ATM: variants seen among roughly 807,000 people sequenced by gnomAD.
The protein encoded by ATM is serine-protein kinase ATM.
ATM carries 308 observed loss-of-function variants against 387.0 expected under a neutral mutation model. The observed-to-expected ratio is 0.80, with a 90% CI of 0.73 to 0.87. The LOEUF is 0.87. Ranked by LOEUF, ATM falls within the 40% of genes least tolerant of loss-of-function variation. ATM has a pLI of 0.00. For synonymous variants in ATM, 1,156 were observed against 1,187.3 expected, an observed-to-expected ratio of 0.97 and a Z score of 0.54; for missense variants, 3,312 against 3,560.9, an observed-to-expected ratio of 0.93 and a Z score of 1.78.
In ATM at chr11:108,248,957, T is replaced by G. The variant is rs764821887; in HGVS notation, c.1090T>G (p.Leu364Val). ...GGTTTTTAATGAAGATACCAGATCC[T>G]TGGAGATTTCTCAATCTTACACTAC... ...HQVFNEDTRS[L>V]EISQSYTTTQ... Residue 364 changes from leucine (L) to valine (V), a missense_variant, in exon 9 of 63, where the codon TTG becomes GTG. Coordinates refer to ENST00000675843, the MANE Select transcript of ATM (RefSeq NM_000051.4). 1 of 1,611,450 alleles carries G rather than the reference T, an allele frequency of 6.2e-7. No individual in the cohort carries two copies. Among genetic ancestry groups the G allele is most frequent in the East Asian group, 2.2e-5 (1 of 44,828 alleles).
intron 20 of ATM, 125 bp from the exon 21 acceptor site, chr11:108,272,407 A>G (rs1352325799): frequency 1.2e-6 from 1 of 823,348 alleles, no homozygotes; most frequent in African/African-American, 1.7e-5. Flanking sequence ...CATATTCCAC[A>G]TAATGACAAA....
At chr11:108,238,420 G>A (rs2079405449) in intron 5 of ATM, among the ~76,000 whole-genome samples, 1 of 152,006 alleles carries the variant, frequency 6.6e-6, no homozygotes, top group Non-Finnish European at 1.5e-5. Flanking sequence ...CCAAAGTGTT[G>A]GGATTATAGG....
intron 49 of ATM, 26 bp downstream of exon 49, chr11:108,329,264 T>C (rs2086007986): frequency 2.5e-6 from 4 of 1,574,612 alleles, no homozygotes; most frequent in East Asian, 2.3e-5. Context: ...CAAGTGACAA[T>C]TTTATGTTCA....
At chr11:108,277,688 G>C (rs1344701262) in intron 22 of ATM, among the ~76,000 whole-genome samples, 1 of 152,092 alleles carries the variant, frequency 6.6e-6, no homozygotes, top group Non-Finnish European at 1.5e-5. Flanking sequence ...ACCCTGCTTT[G>C]ACTCTCCCTC....
intron 21 of ATM, 51 bp from the exon 22 acceptor site, chr11:108,272,671 A>G (rs961791181): frequency 3.7e-6 from 6 of 1,612,886 alleles, no homozygotes; most frequent in Non-Finnish European, 5.1e-6. Flanking sequence ...TTTGTTTGTT[A>G]ATGAGTAATT....
chr11:108,265,755 A>G (rs1438883147), intron 16 of ATM, among the ~76,000 whole-genome samples: 1 of 132,960 alleles, frequency 7.5e-6, no homozygotes, highest in African/African-American at 2.8e-5. Context: ...GCTAATATCC[A>G]GAATCTACAA....
In ATM at chr11:108,250,823, C is replaced by T. The variant is rs786204124; in HGVS notation, c.1358C>T (p.Pro453Leu). Residue 453 changes from proline (P) to leucine (L), a missense_variant, in exon 10 of 63, where the codon CCA becomes CTA. This residue lies in a region of ATM where 1,791 missense variants were observed against 1,804.5 expected (regional missense o/e 0.99). Coordinates refer to ENST00000675843, the MANE Select transcript of ATM (RefSeq NM_000051.4). The stretch of plus-strand genomic sequence containing the variant: ...CAACAGCGACATGGGGAACGTACAC[C>T]ATATGTGTTACGATGCCTTACGGAA... ...LPQQRHGERTPYVLRCLTEVA... is the reference protein window; with the variant it reads ...LPQQRHGERTLYVLRCLTEVA... 3 of 1,614,062 alleles carry T rather than the reference C, an allele frequency of 1.9e-6. No homozygotes were observed. Among genetic ancestry groups the T allele is most frequent in the African/African-American group, 2.7e-5 (2 of 74,998 alleles).
At chr11:108,310,134 T>C (rs764900363) in intron 38 of ATM, 26 bp from the exon 39 acceptor site, 1 of 1,604,642 alleles carries the variant, frequency 6.2e-7, no homozygotes, top group South Asian at 1.1e-5. Context: ...AAAAAGTGAA[T>C]GACATTATAT....
chr11:108,257,568 A>G lies in ATM; in HGVS notation c.2338A>G (p.Met780Val), dbSNP rs587781446. Reference protein sequence around the residue: ...EFRIGSLRNMMQLCTRCLSNC... With the variant: ...EFRIGSLRNMVQLCTRCLSNC... ...CAGAATTGGTTCCTTGAGAAATATG[A>G]TGCAGCTATGTACACGTTGCTTGAG... The change falls in exon 15 of 63, where the codon ATG (methionine) becomes GTG (valine). Residue 780 changes from methionine (M) to valine (V), a missense_variant. Transcript: ENST00000675843. 6.2e-7 allele frequency: 1 copy of G among 1,614,018 alleles called. No homozygotes were observed. The highest frequency in any genetic ancestry group is 1.1e-5 in the South Asian group (1 of 91,076).
chr11:108,265,104 A>C (rs996439543), intron 16 of ATM, among the ~76,000 whole-genome samples: 4 of 150,410 alleles, frequency 2.7e-5, no homozygotes, highest in Admixed American at 6.7e-5. Flanking sequence ...GCTACCAATG[A>C]CTTTCTTCAC....
At chr11:108,306,405 A>T (rs1444629282) in intron 37 of ATM, among the ~76,000 whole-genome samples, 1 of 152,202 alleles carries the variant, frequency 6.6e-6, no homozygotes, top group Non-Finnish European at 1.5e-5. Context: ...TACAGGTATA[A>T]GTGATTTAAG....
intron 25 of ATM, 68 bp from the exon 26 acceptor site, chr11:108,284,159 A>T (rs2135702847): frequency 3.2e-6 from 4 of 1,259,906 alleles, no homozygotes; most frequent in Non-Finnish European, 4.4e-6. Flanking sequence ...AGTTTTTAAG[A>T]ACTATTTTAT....
At chr11:108,227,313 A>C in intron 1 of ATM, 1 of 304,024 alleles carries the variant, frequency 3.3e-6, no homozygotes, top group East Asian at 7.3e-5. Context: ...GTCCAGTGTA[A>C]ATTATACTTT....
chr11:108,239,467 T>G (rs1334037545), intron 5 of ATM, among the ~76,000 whole-genome samples: 1 of 152,230 alleles, frequency 6.6e-6, no homozygotes, highest in African/African-American at 2.4e-5. Context: ...TTACAGCTTT[T>G]GTCAGAATTT....
chr11:108,335,096 G>C lies in ATM; in HGVS notation c.8138G>C (p.Arg2713Thr), dbSNP rs876659351. Residue 2713 changes from arginine (R) to threonine (T), a missense_variant, in exon 55 of 63, where the codon AGA becomes ACA. Physicochemically the swap from Arg to Thr is moderately conservative, Grantham distance 71 (BLOSUM62 -1). Coordinates refer to ENST00000675843, the MANE Select transcript of ATM (RefSeq NM_000051.4). The part of the protein sequence containing the change: ...DCVGSDGKER[R>T]QLVKGRDDLR... ...GTAGGTTCCGATGGCAAGGAGAGGA[G>C]ACAGCTTGTTAAGGTGAGCCTTCCC... 6.8e-6 allele frequency: 11 copies of C among 1,614,060 alleles called. No homozygotes were observed. The highest frequency in any genetic ancestry group is 9.3e-6 in the Non-Finnish European group (11 of 1,179,978).
At chr11:108,358,958 A>G (rs568835093) in intron 61 of ATM, among the ~76,000 whole-genome samples, 2 of 152,302 alleles carry the variant, frequency 1.3e-5, no homozygotes, top group South Asian at 4.1e-4. Context: ...TTAACTTTAA[A>G]TGTATATGGA....
At chr11:108,279,038 T>G (rs1322712409) in intron 22 of ATM, among the ~76,000 whole-genome samples, 1 of 152,158 alleles carries the variant, frequency 6.6e-6, no homozygotes, top group South Asian at 2.1e-4. Flanking sequence ...ACGCAAAAGG[T>G]GTACTGATCA....
At position 108,366,717 on chromosome 11, in the gene ATM, G is replaced by GCAAA. The variant is rs980896382; in HGVS notation, c.*1212_*1215dup. 2.6e-5 allele frequency: 6 copies of GCAAA among 230,946 alleles called. No homozygotes were observed. Among genetic ancestry groups the GCAAA allele is most frequent in the Non-Finnish European group, 4.3e-5 (5 of 116,706 alleles). The allele number at this position is 230,946 out of a possible 1,614,324, so 14.3% of individuals were successfully genotyped here. On this transcript the variant is annotated 3_prime_UTR_variant, in exon 63 of 63. Coordinates refer to ENST00000675843, the MANE Select transcript of ATM (RefSeq NM_000051.4). ...CTGATAGGAGATTTCCCAGGCCAAG[G>GCAAA]CAAACACACTTCCTCCTCATCTCCT...
chr11:108,227,481 A>G (rs1446229022), intron 1 of ATM, 114 bp from the exon 2 acceptor site: 1 of 665,228 alleles, frequency 1.5e-6, no homozygotes, highest in African/African-American at 1.8e-5. Context: ...AGTTAAATCT[A>G]ACTATAAATA....
Sources: allele counts gnomAD v4.1 joint callset (sites outside exome capture counted in the v4.1 genomes callset), GRCh38; gene constraint gnomAD v4.1.1; regional missense constraint gnomAD v4.1.1; transcripts MANE v1.5; gene names NCBI Gene and HGNC (gene_info 2026-07-23, HGNC 2026-07-21).